Variants in KIF13A observed in about 807,000 individuals in gnomAD.
KIF13A encodes the protein kinesin-like protein KIF13A.
In KIF13A, 79 loss-of-function variants were observed where a neutral mutation model predicts 212.2. The ratio of observed to expected loss-of-function variants is 0.37; its 90% CI spans 0.31 to 0.45. KIF13A has a LOEUF of 0.45. Among genes scored for constraint, KIF13A ranks in the 20% least tolerant of loss-of-function variants. The pLI is 1.00. For synonymous variants in KIF13A, 789 were observed against 808.6 expected (o/e 0.98, Z 0.41); for missense variants, 1,901 against 2,209.0 (o/e 0.86, Z 2.79).
At position 17,779,499 on chromosome 6, in the gene KIF13A, C is replaced by T. The variant is rs187226021; in HGVS notation, c.3939+93G>A. The T allele has an allele frequency of 0.028, 15,495 of 549,134 alleles. 325 individuals carry two copies. The highest frequency in any genetic ancestry group is 0.038 in the Non-Finnish European group (11,354 of 298,730). The allele number at this position is 549,134 out of a possible 1,614,324, so 34.0% of individuals were successfully genotyped here. ...GTTGGTCAGGCTGGTCTCGAACTCC[C>T]GACCTCAGGTGATCCACCCGCCTCG... On this transcript the variant is annotated intron_variant, in intron 32 of 38. Coordinates refer to ENST00000259711, the MANE Select transcript of KIF13A (RefSeq NM_022113.6).
chr6:17,908,256 A>G (rs1289610113), intron 2 of KIF13A, among the ~76,000 whole-genome samples: 1 of 152,172 alleles, frequency 6.6e-6, no homozygotes, highest in Non-Finnish European at 1.5e-5. Context: ...TGAATGAAGA[A>G]AAAAATGGCT....
chr6:17,915,558 A>G lies in KIF13A; in HGVS notation c.147-17378T>C, dbSNP rs1205628257. ...GCGTGCAGGACCTGCCACCTTGAGGACTCTGGGAGCAAGAGACCCCCTGAC... is the reference window on the plus strand; with the variant it reads ...GCGTGCAGGACCTGCCACCTTGAGGGCTCTGGGAGCAAGAGACCCCCTGAC... On this transcript the variant is annotated intron_variant, in intron 2 of 38. Transcript: ENST00000259711. This position sits in a 1 kb window ranked among gnomAD's most constrained non-coding sequence, Gnocchi z 4.4. Among the ~76,000 whole-genome samples, 2 of 152,128 alleles carry G rather than the reference A, an allele frequency of 1.3e-5. No individual in the cohort carries two copies. Among genetic ancestry groups the G allele is most frequent in the African/African-American group, 4.8e-5 (2 of 41,424 alleles).
At chr6:17,966,926 G>A (rs1177587611) in intron 2 of KIF13A, among the ~76,000 whole-genome samples, 1 of 152,192 alleles carries the variant, frequency 6.6e-6, no homozygotes, top group African/African-American at 2.4e-5. Flanking sequence ...TCACCCAGCT[G>A]GGAAGTGCAG....
At chr6:17,956,757 AG>A (rs1331768679) in intron 2 of KIF13A, among the ~76,000 whole-genome samples, 1 of 152,156 alleles carries the variant, frequency 6.6e-6, no homozygotes, top group East Asian at 1.9e-4. Flanking sequence ...CATTCCAGAG[AG>A]GGTCCTGCTC....
chr6:17,866,826 C>T (rs1160689357), intron 4 of KIF13A, among the ~76,000 whole-genome samples: 9 of 122,118 alleles, frequency 7.4e-5, no homozygotes, highest in Non-Finnish European at 1.2e-4. Context: ...AAAAAAGCAG[C>T]GCATATATAT....
At chr6:17,946,454 CAA>C (rs906487858) in intron 2 of KIF13A, among the ~76,000 whole-genome samples, 1 of 145,782 alleles carries the variant, frequency 6.9e-6, no homozygotes, top group Non-Finnish European at 1.5e-5. Flanking sequence ...AAAAAAAAAA[CAA>C]AAAAGAGAAA....
In KIF13A at chr6:17,799,256, G is replaced by T. The variant is rs750825301; in HGVS notation, c.2790+10C>A. Reference sequence around the variant, plus strand: ...TTCCTACACAGCTCATTTGGTAATGGCATTTGTACCTTACAGTGGGAGAAG... The same window carrying T: ...TTCCTACACAGCTCATTTGGTAATGTCATTTGTACCTTACAGTGGGAGAAG... On this transcript the variant is annotated intron_variant, in intron 22 of 38. Transcript: ENST00000259711. The surrounding 1 kb of genome is among the most constrained non-coding windows in gnomAD (Gnocchi z 4.4). 6.4e-7 allele frequency: 1 copy of T among 1,555,856 alleles called. No homozygotes were observed. Among genetic ancestry groups the T allele is most frequent in the Non-Finnish European group, 8.7e-7 (1 of 1,149,276 alleles).
Position 17,892,450 on chromosome 6 carries a change from C to T in KIF13A, c.159+5718G>A, listed in dbSNP as rs900617123. Among the ~76,000 whole-genome samples the T allele has an allele frequency of 1.3e-5, 2 of 152,172 alleles. No individual in the cohort carries two copies. Among genetic ancestry groups the T allele is most frequent in the Non-Finnish European group, 2.9e-5 (2 of 68,038 alleles). On this transcript the variant is annotated intron_variant, in intron 3 of 38. Coordinates refer to ENST00000259711, the MANE Select transcript of KIF13A (RefSeq NM_022113.6). This position sits in a 1 kb window ranked among gnomAD's most constrained non-coding sequence, Gnocchi z 4.7. ...TAGAGACACTGAAGGTATCAAGGTC[C>T]AACCCTGACATCAAGGCCTGCCACA...
rs371178212 is a variant in KIF13A at position 17,779,676 on chromosome 6, C to T, written c.3855G>A (p.Thr1285=). The change falls in exon 32 of 39, where the codon ACG becomes ACA. Residue 1285 remains threonine, a synonymous_variant. Coordinates refer to ENST00000259711, the MANE Select transcript of KIF13A (RefSeq NM_022113.6). ...GGGATATTCTCCTCTTCAAACTCTG[C>T]GTGAAACTCTAGTAGAAAAAAAAAA... ...AANIYNKQSF[T]QSLKRRISLK... 1.4e-4 allele frequency: 199 copies of T among 1,414,570 alleles called. No homozygotes were observed. The highest frequency in any genetic ancestry group is 8.1e-4 in the African/African-American group (55 of 68,256). The allele number at this position is 1,414,570 out of a possible 1,614,324, so 87.6% of individuals were successfully genotyped here.
Position 17,950,889 on chromosome 6 carries a change from T to C in KIF13A, c.146+36165A>G, listed in dbSNP as rs537563360. ...ATAAATGATTAAATGTGTGGGATAATTAGAAACAACCGTATCCACCCACCC... is the reference window on the plus strand; with the variant it reads ...ATAAATGATTAAATGTGTGGGATAACTAGAAACAACCGTATCCACCCACCC... On this transcript the variant is annotated intron_variant, in intron 2 of 38. Coordinates refer to ENST00000259711, the MANE Select transcript of KIF13A (RefSeq NM_022113.6). 3.0e-4 allele frequency: 298 copies of C among 983,766 alleles called. 1 individual carries two copies. The highest frequency in any genetic ancestry group is 1.3e-3 in the South Asian group (27 of 21,236). 60.9% of individuals were successfully genotyped at this position (983,766 alleles called of 1,614,324 possible).
At chr6:17,791,942 G>A (rs965640093) in intron 25 of KIF13A, among the ~76,000 whole-genome samples, 5 of 146,332 alleles carry the variant, frequency 3.4e-5, no homozygotes, top group East Asian at 2.0e-4. Context: ...AGTGGCTCAC[G>A]CCTGTAATCC....
At chr6:17,936,930 CA>C (rs1186691903) in intron 2 of KIF13A, among the ~76,000 whole-genome samples, 1 of 152,172 alleles carries the variant, frequency 6.6e-6, no homozygotes, top group Non-Finnish European at 1.5e-5. Context: ...ATAATCCCAG[CA>C]CTTTGGGAGG....
chr6:17,946,499 G>C (rs1431691423), intron 2 of KIF13A, among the ~76,000 whole-genome samples: 1 of 150,434 alleles, frequency 6.6e-6, no homozygotes, highest in Admixed American at 6.6e-5. Context: ...CTTTTCAAAA[G>C]AAAACAAATG....
intron 20 of KIF13A, 85 bp downstream of exon 20, chr6:17,804,276 C>T: frequency 7.8e-7 from 1 of 1,277,938 alleles, no homozygotes; most frequent in Admixed American, 3.2e-5. Flanking sequence ...ACCTCAAGAA[C>T]ATAGCTTAAA....
rs568166923 is a variant in KIF13A at position 17,808,323 on chromosome 6, T to C, written c.2163+445A>G. Among the ~76,000 whole-genome samples, 5 of 152,170 alleles carry C rather than the reference T, an allele frequency of 3.3e-5. No homozygotes were observed. The East Asian group carries it at 5.8e-4, about 18-fold the overall frequency. On this transcript the variant is annotated intron_variant, in intron 18 of 38. Coordinates refer to ENST00000259711, the MANE Select transcript of KIF13A (RefSeq NM_022113.6). ...ATTGCTTGAACCCAGGAGGCGGAGATTGCAGTGAGCTGAGATCATGCCATT... is the reference window on the plus strand; with the variant it reads ...ATTGCTTGAACCCAGGAGGCGGAGACTGCAGTGAGCTGAGATCATGCCATT...
chr6:17,764,367 C>T lies in KIF13A; in HGVS notation c.5161G>A (p.Val1721Met). ...ATGTTGGTGGTGTGTTCTACCGTCA[C>T]CTCCCTGGGGCAGAATCCCCTGGCT... ...QPARGFCPRE[V>M]TVEHTTNILE... The change falls in exon 39 of 39, where the codon GTG becomes ATG. Residue 1721 changes from valine (V) to methionine (M), a missense_variant. Transcript: ENST00000259711. This position sits in a 1 kb window ranked among gnomAD's most constrained non-coding sequence, Gnocchi z 5.1. 1 of 1,614,010 alleles carries T rather than the reference C, an allele frequency of 6.2e-7. No homozygotes were observed.
chr6:17,883,112 T>C lies in KIF13A; in HGVS notation c.160-9675A>G, dbSNP rs551476093. Among the ~76,000 whole-genome samples, 5 of 152,272 alleles carry C rather than the reference T, an allele frequency of 3.3e-5. No individual in the cohort carries two copies. The highest frequency in any genetic ancestry group is 3.3e-4 in the Admixed American group (5 of 15,286). The stretch of plus-strand genomic sequence containing the variant: ...TGGTGGCTCATGCCTATAATCCCAG[T>C]GTTTTGAGAGGCTGAGACTGAAGGA... On this transcript the variant is annotated intron_variant, in intron 3 of 38. Coordinates refer to ENST00000259711, the MANE Select transcript of KIF13A (RefSeq NM_022113.6). This position sits in a 1 kb window ranked among gnomAD's most constrained non-coding sequence, Gnocchi z 4.8.
intron 2 of KIF13A, among the ~76,000 whole-genome samples, chr6:17,908,686 A>C (rs1223764948): frequency 3.3e-5 from 5 of 151,886 alleles, no homozygotes; most frequent in African/African-American, 4.8e-5. Flanking sequence ...AAAAAAAAAA[A>C]CCCTGTTTCT....
Position 17,794,152 on chromosome 6 carries a change from T to C in KIF13A, c.3222+97A>G, listed in dbSNP as rs1187645137. ...ATGTGAACTGGGGGAAGATCTACGG[T>C]TAAGGCAAAGAGTTCTGTTATATTG... On this transcript the variant is annotated intron_variant, in intron 25 of 38. Coordinates refer to ENST00000259711, the MANE Select transcript of KIF13A (RefSeq NM_022113.6). This position sits in a 1 kb window ranked among gnomAD's most constrained non-coding sequence, Gnocchi z 4.1. 1.1e-6 allele frequency: 1 copy of C among 928,734 alleles called. No homozygotes were observed. The highest frequency in any genetic ancestry group is 2.4e-5 in the East Asian group (1 of 40,942). 57.5% of individuals were successfully genotyped at this position (928,734 alleles called of 1,614,324 possible). A position where few individuals can be genotyped will look rare whatever the true frequency, so the allele number is the denominator to read the frequency against.
Sources: allele counts gnomAD v4.1 joint callset (sites outside exome capture counted in the v4.1 genomes callset), GRCh38; gene constraint gnomAD v4.1.1; non-coding constraint Gnocchi (gnomAD v3.1); transcripts MANE v1.5; gene names NCBI Gene and HGNC (gene_info 2026-07-23, HGNC 2026-07-21).